UNG: variants seen among roughly 807,000 people sequenced by gnomAD.
UNG encodes uracil-DNA glycosylase.
UNG carries 34 observed loss-of-function variants against 36.5 expected under a neutral mutation model. The observed-to-expected ratio is 0.93, with a 90% CI of 0.71 to 1.24. The LOEUF (loss-of-function observed/expected upper bound fraction) is 1.24. UNG is among the 50% of genes most tolerant of loss of function. UNG has a pLI of 0.00. For synonymous variants in UNG, 172 were observed against 157.8 expected (o/e 1.09, Z -0.67); for missense variants, 391 against 397.6 (o/e 0.98, Z 0.14).
Position 109,099,246 on chromosome 12 carries a change from C to T in UNG, c.397C>T (p.Gln133Ter), listed in dbSNP as rs2042158709. ...TTACACTGTTTATCCACCCCCACAC[C>T]AAGTCTTCACCTGGACCCAGATGTG... Reference protein sequence around the residue: ...KHYTVYPPPHQVFTWTQMCDI... With the variant: ...KHYTVYPPPH Residue 133 changes from glutamine to a stop codon, truncating the protein, a stop_gained, in exon 3 of 7, where the codon CAA becomes TAA. Transcript: ENST00000242576. LOFTEE classifies it high-confidence loss of function. 15 of 1,614,044 alleles carry T rather than the reference C, an allele frequency of 9.3e-6. No individual in the cohort carries two copies. The highest frequency in any genetic ancestry group is 1.3e-5 in the Non-Finnish European group (15 of 1,179,992).
chr12:109,105,842 G>T (rs146351338), intron 6 of UNG, among the ~76,000 whole-genome samples: 353 of 152,316 alleles, frequency 2.3e-3, no homozygotes, highest in Non-Finnish European at 4.3e-3. Flanking sequence ...ATCTTGCCTG[G>T]AGGGTTCTGA....
chr12:109,097,874 G>A (rs2042143419), intron 1 of UNG, 63 bp downstream of exon 1: 7 of 1,452,584 alleles, frequency 4.8e-6, no homozygotes, highest in Non-Finnish European at 6.4e-6. Context: ...GGCCCCGCCT[G>A]ACGGAGGGCG....
chr12:109,102,764 T>C (rs2042187663), intron 4 of UNG, 75 bp from the exon 5 acceptor site: 2 of 1,220,640 alleles, frequency 1.6e-6, no homozygotes, highest in East Asian at 2.3e-5. Flanking sequence ...TTTTCACATA[T>C]GTCTTAGACG....
chr12:109,110,354 A>G lies in UNG; in HGVS notation c.*385A>G, dbSNP rs961080909. The G allele has an allele frequency of 2.2e-5, 6 of 269,044 alleles. No individual in the cohort carries two copies. The Admixed American group carries it at 2.3e-4, about 10-fold the overall frequency. 16.7% of individuals were successfully genotyped at this position (269,044 alleles called of 1,614,324 possible). ...TGCCTGGTTAGACTTTCAGTGACAG[A>G]TGTTGGGGTGTTTTTGCTTAGAAAG... On this transcript the variant is annotated 3_prime_UTR_variant, in exon 7 of 7. Transcript: ENST00000242576.
At chr12:109,098,267 C>A in intron 1 of UNG, 165 bp from the exon 2 acceptor site, 2 of 1,525,330 alleles carry the variant, frequency 1.3e-6, no homozygotes, top group South Asian at 2.5e-5. Context: ...ATTCCCAATT[C>A]CCGGACCGGG....
rs2042145353 is a variant in UNG at position 109,098,086 on chromosome 12, G to A, written c.132+275G>A. 7.9e-6 allele frequency: 11 copies of A among 1,387,934 alleles called. No individual in the cohort carries two copies. The Admixed American group carries it at 2.2e-4, about 28-fold the overall frequency. The allele number at this position is 1,387,934 out of a possible 1,614,324, so 86.0% of individuals were successfully genotyped here. On this transcript the variant is annotated intron_variant, in intron 1 of 6. Coordinates refer to ENST00000242576, the MANE Select transcript of UNG (RefSeq NM_080911.3). Reference sequence around the variant, plus strand: ...GCGCTGTCCAATCAGAGGGGAGAGGGGGCGGGACCCAGAGGGAGGTTTTTT... The same window carrying A: ...GCGCTGTCCAATCAGAGGGGAGAGGAGGCGGGACCCAGAGGGAGGTTTTTT...
intron 6 of UNG, among the ~76,000 whole-genome samples, chr12:109,106,770 G>A (rs1409914718): frequency 1.4e-5 from 2 of 142,084 alleles, no homozygotes; most frequent in Non-Finnish European, 3.1e-5. Context: ...GTGGCGGCGT[G>A]TGCCTGTAGT....
chr12:109,098,793 A>T (rs2042154933), intron 2 of UNG, among the ~76,000 whole-genome samples, 155 bp downstream of exon 2: 1 of 152,158 alleles, frequency 6.6e-6, no homozygotes, highest in African/African-American at 2.4e-5. Context: ...GAAAGCCATG[A>T]TGTTTCACTC....
chr12:109,099,125 C>A, intron 2 of UNG, 64 bp from the exon 3 acceptor site: 1 of 1,462,310 alleles, frequency 6.8e-7, no homozygotes, highest in Non-Finnish European at 9.6e-7. Flanking sequence ...TAGAAGCTTT[C>A]TTATTGAATT....
chr12:109,107,845 G>C (rs1445406117), intron 6 of UNG, among the ~76,000 whole-genome samples: 1 of 151,938 alleles, frequency 6.6e-6, no homozygotes, highest in Admixed American at 6.6e-5. Context: ...TTTTTGTGGC[G>C]AGATTTTTTT....
chr12:109,102,877 A>G lies in UNG; in HGVS notation c.572A>G (p.Glu191Gly). Residue 191 changes from glutamate (E) to glycine (G), a missense_variant, in exon 5 of 7, where the codon GAG (glutamate) becomes GGG (glycine). Physicochemically the swap from Glu to Gly is moderately conservative, Grantham distance 98. Coordinates refer to ENST00000242576, the MANE Select transcript of UNG (RefSeq NM_080911.3). ...NIYKELSTDI[E>G]DFVHPGHGDL... Reference sequence around the variant, plus strand: ...TATAAAGAGTTGTCTACAGACATAGAGGATTTTGTTCATCCTGGCCATGGA... The same window carrying G: ...TATAAAGAGTTGTCTACAGACATAGGGGATTTTGTTCATCCTGGCCATGGA... The G allele has an allele frequency of 6.2e-7, 1 of 1,610,114 alleles. No homozygotes were observed. Among genetic ancestry groups the G allele is most frequent in the South Asian group, 1.1e-5 (1 of 90,978 alleles).
Position 109,097,912 on chromosome 12 carries a change from A to C in UNG, c.132+101A>C, listed in dbSNP as rs926485159. 18 of 1,383,894 alleles carry C rather than the reference A, an allele frequency of 1.3e-5. No individual in the cohort carries two copies. In the African/African-American group the frequency reaches 2.7e-4, roughly 20 times the overall value. The allele number at this position is 1,383,894 out of a possible 1,614,324, so 85.7% of individuals were successfully genotyped here. On this transcript the variant is annotated intron_variant, in intron 1 of 6. Coordinates refer to ENST00000242576, the MANE Select transcript of UNG (RefSeq NM_080911.3). ...CAGGATCGCGCCTCTGACTCGGTAA[A>C]CCCGGGCTCCGCTTTCCAAATAGCC... is the stretch of plus-strand genomic sequence containing the variant.
In UNG at chr12:109,103,622, TTTTC is replaced by T. The variant is rs1347611424; in HGVS notation, c.801+19_801+22del. On this transcript the variant is annotated intron_variant, in intron 6 of 6. Coordinates refer to ENST00000242576, the MANE Select transcript of UNG (RefSeq NM_080911.3). ...AGTGCCATTGATAGGGTATGTTTTG[TTTTC>T]TTTCTTTTTTTTCTTTTTTTTTTAA... The T allele has an allele frequency of 6.3e-6, 10 of 1,590,786 alleles. No homozygotes were observed. Among genetic ancestry groups the T allele is most frequent in the Non-Finnish European group, 8.6e-6 (10 of 1,168,472 alleles).
chr12:109,104,726 G>T (rs3219245), intron 6 of UNG, among the ~76,000 whole-genome samples: 9,200 of 152,122 alleles, frequency 0.06, 379 homozygotes, highest in Non-Finnish European at 0.083. Flanking sequence ...CGAGCCAGGG[G>T]TGTGTTCATC....
chr12:109,098,780 A>C (rs2042154857), intron 2 of UNG, 142 bp downstream of exon 2: 1 of 1,113,588 alleles, frequency 9.0e-7, no homozygotes, highest in Non-Finnish European at 1.3e-6. Flanking sequence ...AAAGGGGGTA[A>C]AAGAAAGCCA....
intron 1 of UNG, 134 bp from the exon 2 acceptor site, chr12:109,098,298 G>A: frequency 6.3e-7 from 1 of 1,582,336 alleles, no homozygotes; most frequent in Non-Finnish European, 8.6e-7. Flanking sequence ...GGCTCTTACT[G>A]TCCGCTTTTG....
chr12:109,103,639 C>CT (rs747503756), intron 6 of UNG, 28 bp downstream of exon 6: 2,447 of 1,364,998 alleles, frequency 1.8e-3, no homozygotes, highest in African/African-American at 2.2e-3. Flanking sequence ...TCTTTTTTTT[C>CT]TTTTTTTTTT....
chr12:109,109,781 AT>A (rs1555265462), intron 6 of UNG, 47 bp from the exon 7 acceptor site: 123 of 1,576,196 alleles, frequency 7.8e-5, no homozygotes, highest in Middle Eastern at 3.4e-4. Context: ...AAAAAAAAAA[AT>A]TTAAAAAGTC....
intron 6 of UNG, among the ~76,000 whole-genome samples, chr12:109,104,062 G>GTTTTTTTTTTTTTTTTTT (rs1555265048): frequency 6.6e-6 from 1 of 150,726 alleles, no homozygotes; most frequent in African/African-American, 2.5e-5. Context: ...TGGGTTTTTT[G>GTTTTTTTTTTTTTTTTTT]TTTTTTGATG....
Sources: allele counts gnomAD v4.1 joint callset (sites outside exome capture counted in the v4.1 genomes callset), GRCh38; gene constraint gnomAD v4.1.1; transcripts MANE v1.5; gene names NCBI Gene and HGNC (gene_info 2026-07-23, HGNC 2026-07-21).